Variants in LDLRAD4 observed in about 807,000 individuals in gnomAD.
LDLRAD4 encodes the protein low density lipoprotein receptor class A domain containing 4.
LDLRAD4 carries 5 observed loss-of-function variants against 17.0 expected under a neutral mutation model. The ratio of observed to expected loss-of-function variants is 0.29; its 90% CI spans 0.15 to 0.62. The LOEUF (loss-of-function observed/expected upper bound fraction) is 0.62, where lower values mean the gene tolerates loss of function less well. LDLRAD4 is among the 20% of genes least tolerant of loss of function. The pLI is 0.84. For synonymous variants in LDLRAD4, 168 were observed against 171.8 expected (o/e 0.98, Z 0.17); for missense variants, 340 against 424.7 (o/e 0.80, Z 1.75).
intron 1 of LDLRAD4, among the ~76,000 whole-genome samples, chr18:13,271,815 G>A (rs1035339470): frequency 2.6e-5 from 4 of 151,940 alleles, no homozygotes; most frequent in African/African-American, 9.7e-5. Context: ...GAAGGGAGAG[G>A]GTGGGAAAAG....
Position 13,228,528 on chromosome 18 carries a change from A to G in LDLRAD4, c.-467+9540A>G, listed in dbSNP as rs111376700. Reference sequence around the variant, plus strand: ...CTAGTGGGGACGGGAGGCCTTCTGGATACAATGTGTGCAGGACTTGAGGAA... The same window carrying G: ...CTAGTGGGGACGGGAGGCCTTCTGGGTACAATGTGTGCAGGACTTGAGGAA... On this transcript the variant is annotated intron_variant, in intron 1 of 5. Transcript: ENST00000399848. 3.1e-3 allele frequency among the ~76,000 whole-genome samples: 478 copies of G among 152,224 alleles called. 4 individuals carry two copies. Among genetic ancestry groups the G allele is most frequent in the African/African-American group, 0.011 (448 of 41,534 alleles).
At chr18:13,284,312 C>T (rs954717271) in intron 1 of LDLRAD4, among the ~76,000 whole-genome samples, 5 of 152,062 alleles carry the variant, frequency 3.3e-5, no homozygotes, top group Admixed American at 6.5e-5. Flanking sequence ...ACCTGGGCCT[C>T]GTCTCCGCCT....
At chr18:13,232,774 G>C (rs2042145962) in intron 1 of LDLRAD4, among the ~76,000 whole-genome samples, 1 of 152,252 alleles carries the variant, frequency 6.6e-6, no homozygotes, top group Non-Finnish European at 1.5e-5. Context: ...CCGCAGCCCA[G>C]GAAGCGCCAC....
intron 1 of LDLRAD4, among the ~76,000 whole-genome samples, chr18:13,334,992 G>A (rs1469770861): frequency 6.6e-6 from 1 of 152,030 alleles, no homozygotes; most frequent in Non-Finnish European, 1.5e-5. Context: ...TCTAAGTTAT[G>A]TCACATTTTA....
chr18:13,387,985 G>A (rs1206644697), intron 2 of LDLRAD4, among the ~76,000 whole-genome samples: 1 of 152,192 alleles, frequency 6.6e-6, no homozygotes, highest in African/African-American at 2.4e-5. Flanking sequence ...TTTTGCTTCT[G>A]TTTTTGTTGA....
intron 1 of LDLRAD4, among the ~76,000 whole-genome samples, chr18:13,339,876 C>T (rs983773758): frequency 6.6e-6 from 1 of 152,090 alleles, no homozygotes; most frequent in South Asian, 2.1e-4. Context: ...ACCATTACCA[C>T]CATCTATCTT....
chr18:13,221,896 G>A (rs899208272), intron 1 of LDLRAD4, among the ~76,000 whole-genome samples: 2 of 152,034 alleles, frequency 1.3e-5, no homozygotes, highest in Admixed American at 6.5e-5. Context: ...GAGCTTTCCC[G>A]GACAAAAATA....
chr18:13,435,257 C>T (rs756481990), intron 2 of LDLRAD4, among the ~76,000 whole-genome samples: 1 of 152,178 alleles, frequency 6.6e-6, no homozygotes, highest in Non-Finnish European at 1.5e-5. Flanking sequence ...CCAGCTTTAG[C>T]ATTAATTCTT....
chr18:13,524,694 C>T (rs1271297631), intron 3 of LDLRAD4, among the ~76,000 whole-genome samples: 1 of 152,174 alleles, frequency 6.6e-6, no homozygotes, highest in African/African-American at 2.4e-5. Context: ...CCAGCAAAAG[C>T]CGAGACAACC....
chr18:13,268,325 G>A (rs866856875), intron 1 of LDLRAD4, among the ~76,000 whole-genome samples: 1 of 152,184 alleles, frequency 6.6e-6, no homozygotes, highest in Non-Finnish European at 1.5e-5. Context: ...TTCTGGCCTA[G>A]TGGGAGATGG....
intron 3 of LDLRAD4, among the ~76,000 whole-genome samples, chr18:13,456,236 C>T (rs1462933418): frequency 2.6e-5 from 4 of 152,188 alleles, no homozygotes; most frequent in African/African-American, 7.2e-5. Flanking sequence ...AGCATGTACA[C>T]GTTTTGCCTG....
chr18:13,618,205 A>G (rs955475503), intron 3 of LDLRAD4, among the ~76,000 whole-genome samples: 9 of 152,276 alleles, frequency 5.9e-5, no homozygotes, highest in African/African-American at 1.9e-4. Flanking sequence ...AGACACAAAC[A>G]AGATATTTGC....
chr18:13,322,500 A>T (rs961764681), intron 1 of LDLRAD4, among the ~76,000 whole-genome samples: 2 of 152,020 alleles, frequency 1.3e-5, no homozygotes, highest in African/African-American at 4.8e-5. Context: ...GGATTTTGCC[A>T]TATTGGCCAG....
chr18:13,582,400 C>T (rs556569430), intron 3 of LDLRAD4, among the ~76,000 whole-genome samples: 41 of 152,366 alleles, frequency 2.7e-4, no homozygotes, highest in African/African-American at 8.2e-4. Flanking sequence ...GCATCTAAAC[C>T]GCCTGGAGTG....
chr18:13,401,137 G>A (rs1302075232), intron 2 of LDLRAD4, among the ~76,000 whole-genome samples: 1 of 152,150 alleles, frequency 6.6e-6, no homozygotes, highest in African/African-American at 2.4e-5. Context: ...TGTGGGCTCA[G>A]GAAAGAGCAG....
chr18:13,228,478 C>G (rs1302506365), intron 1 of LDLRAD4, among the ~76,000 whole-genome samples: 1 of 152,214 alleles, frequency 6.6e-6, no homozygotes. Flanking sequence ...GTTTGGCTTG[C>G]TCCTGCAACA....
intron 1 of LDLRAD4, among the ~76,000 whole-genome samples, chr18:13,315,824 A>G (rs1451029618): frequency 1.3e-5 from 2 of 152,018 alleles, no homozygotes; most frequent in Non-Finnish European, 2.9e-5. Context: ...CTGGACTTAA[A>G]TGGAAATTCT....
chr18:13,501,669 C>T (rs1197755237), intron 3 of LDLRAD4, among the ~76,000 whole-genome samples: 2 of 151,386 alleles, frequency 1.3e-5, no homozygotes, highest in African/African-American at 4.9e-5. Flanking sequence ...TCCATAGAAA[C>T]CCAAGGGGTC....
rs146913734 is a variant in LDLRAD4, at chr18:13,295,357, C to T, written c.-383+17169C>T. Among the ~76,000 whole-genome samples, 14 of 152,278 alleles carry T rather than the reference C, an allele frequency of 9.2e-5. No individual in the cohort carries two copies. The South Asian group carries it at 1.0e-3, about 11-fold the overall frequency. ...GTAGGGTTTCTTCTGTAGAAGCATCCGCTGATCAGCTGCATGTGTGGGGTC... is the reference window on the plus strand; with the variant it reads ...GTAGGGTTTCTTCTGTAGAAGCATCTGCTGATCAGCTGCATGTGTGGGGTC... On this transcript the variant is annotated intron_variant, in intron 1 of 5. Transcript: ENST00000359446.
Sources: gnomAD v4.1 joint callset for allele counts (sites outside exome capture counted in the v4.1 genomes callset) on GRCh38, gnomAD v4.1.1 for gene constraint, MANE v1.5 for transcripts, NCBI Gene and HGNC (gene_info 2026-07-23, HGNC 2026-07-21) for gene names.